Variants in GPATCH1 observed in about 807,000 individuals in gnomAD.
The protein encoded by GPATCH1 is G-patch domain containing 1.
In GPATCH1, 73 loss-of-function variants were observed where a neutral mutation model predicts 114.9. The observed-to-expected ratio is 0.64, with a 90% CI of 0.53 to 0.77. The LOEUF is 0.77. GPATCH1 is among the 30% of genes least tolerant of loss of function. The pLI, the probability that GPATCH1 is intolerant of heterozygous loss-of-function variation, is 0.00. For missense variants in GPATCH1, 1,058 were observed against 1,144.3 expected (o/e 0.92, Z 1.09); for synonymous variants, 391 against 428.4 (o/e 0.91, Z 1.08).
At chr19:33,095,257 GTTTTTTTT>G (rs940614947) in intron 5 of GPATCH1, among the ~76,000 whole-genome samples, 3 of 109,284 alleles carry the variant, frequency 2.7e-5, no homozygotes, top group East Asian at 3.2e-4. Flanking sequence ...TATCAGTGAG[GTTTTTTTT>G]TTTTTTTTTT....
chr19:33,096,926 G>T (rs1972666956), intron 7 of GPATCH1, among the ~76,000 whole-genome samples: 1 of 141,172 alleles, frequency 7.1e-6, no homozygotes, highest in Admixed American at 7.2e-5. Context: ...ACTGCGCCTG[G>T]CCACCTTTTC....
chr19:33,109,891 G>A lies in GPATCH1; in HGVS notation c.1460G>A (p.Trp487Ter). 1 of 1,614,164 alleles carries A rather than the reference G, an allele frequency of 6.2e-7. No homozygotes were observed. The highest frequency in any genetic ancestry group is 8.5e-7 in the Non-Finnish European group (1 of 1,180,028). The change falls in exon 11 of 20, where the codon TGG becomes TAG. Residue 487 changes from tryptophan (W) to a stop codon, truncating the protein, a stop_gained. Transcript: ENST00000170564. LOFTEE classifies it high-confidence loss of function. ...GCAGCGGCTGCTGGGCACTGCTCTT[G>A]GAACATGGCATTAGGTGGTGGGACG... ...SPAAAAGHCS[W>*]NMALGGGTAT...
chr19:33,103,235 T>C (rs1271451913), intron 9 of GPATCH1, among the ~76,000 whole-genome samples: 1 of 152,222 alleles, frequency 6.6e-6, no homozygotes, highest in Admixed American at 6.5e-5. Context: ...TGTGCTTGTC[T>C]GGGACACGGG....
At chr19:33,095,739 T>TG in intron 5 of GPATCH1, 23 bp from the exon 6 acceptor site, 1 of 1,567,470 alleles carries the variant, frequency 6.4e-7, no homozygotes, top group South Asian at 1.1e-5. Flanking sequence ...TCATGACTAT[T>TG]GCATTTGAAA....
rs59303077 is a variant in GPATCH1 at position 33,129,949 on chromosome 19, GA to G, written c.2766-167del. On this transcript the variant is annotated intron_variant, in intron 19 of 19. Coordinates refer to ENST00000170564, the MANE Select transcript of GPATCH1 (RefSeq NM_018025.3). ...ACAAAAGTGAGACTCCATCTCGGGG[GA>G]AAAAAAAAAAAAAGCACAGATTAGG... 3.2e-3 allele frequency among the ~76,000 whole-genome samples: 444 copies of G among 139,742 alleles called. 1 individual carries two copies. Among genetic ancestry groups the G allele is most frequent in the East Asian group, 0.021 (98 of 4,770 alleles). 91.7% of individuals were successfully genotyped at this position (139,742 alleles called of 152,430 possible). A position where few individuals can be genotyped will look rare whatever the true frequency, so the allele number is the denominator to read the frequency against.
At chr19:33,092,049 C>CTT (rs200494204) in intron 3 of GPATCH1, among the ~76,000 whole-genome samples, 5 of 145,450 alleles carry the variant, frequency 3.4e-5, no homozygotes, top group African/African-American at 7.5e-5. Context: ...CTTTTCTTTT[C>CTT]TTTTTTTTTT....
At chr19:33,102,335 CGAAAA>C (rs893436611) in intron 9 of GPATCH1, among the ~76,000 whole-genome samples, 47 of 150,504 alleles carry the variant, frequency 3.1e-4, no homozygotes, top group African/African-American at 1.1e-3. Context: ...AACTCCGTAT[CGAAAA>C]GAAAAGAAAA....
intron 15 of GPATCH1, 118 bp from the exon 16 acceptor site, chr19:33,117,707 G>C (rs1412588544): frequency 1.4e-5 from 10 of 710,564 alleles, no homozygotes; most frequent in Non-Finnish European, 2.2e-5. Flanking sequence ...TGTGGCTATG[G>C]ATACCCATGT....
intron 8 of GPATCH1, among the ~76,000 whole-genome samples, chr19:33,099,484 A>G (rs116042530): frequency 9.5e-4 from 144 of 151,112 alleles, no homozygotes; most frequent in African/African-American, 3.3e-3. Flanking sequence ...TCTCTCCCCC[A>G]GCTTCCTCTC....
intron 17 of GPATCH1, among the ~76,000 whole-genome samples, chr19:33,123,085 T>A (rs1973003480): frequency 7.1e-6 from 1 of 141,466 alleles, no homozygotes; most frequent in Admixed American, 7.0e-5. Context: ...AATAAATAAA[T>A]AAATAAATAA....
At chr19:33,113,456 C>A (rs1972880211) in intron 13 of GPATCH1, 2 of 218,326 alleles carry the variant, frequency 9.2e-6, no homozygotes, top group African/African-American at 2.3e-5. Context: ...GAAAAAAAAA[C>A]AAAACAAAAA....
chr19:33,102,193 G>GC (rs1251024470), intron 9 of GPATCH1, among the ~76,000 whole-genome samples: 37 of 151,598 alleles, frequency 2.4e-4, no homozygotes, highest in Non-Finnish European at 1.8e-4. Context: ...AATTAGCTAG[G>GC]TGTGGTGGTG....
chr19:33,112,574 T>C lies in GPATCH1; in HGVS notation c.1853T>C (p.Leu618Pro), dbSNP rs1412235926. The change falls in exon 13 of 20, where the codon CTT becomes CCT. Residue 618 changes from leucine (L) to proline (P), a missense_variant. By Grantham distance (98) the Leu-to-Pro change is moderately conservative. Coordinates refer to ENST00000170564, the MANE Select transcript of GPATCH1 (RefSeq NM_018025.3). Reference protein sequence around the residue: ...RDTFEWHPDKLLCKRFNVPDP... With the variant: ...RDTFEWHPDKPLCKRFNVPDP... The stretch of plus-strand genomic sequence containing the variant: ...ACGTTTGAGTGGCACCCTGACAAGC[T>C]TCTATGTAAGAGATTTAATGTCCCT... 4.3e-6 allele frequency: 7 copies of C among 1,613,838 alleles called. No individual in the cohort carries two copies. Among genetic ancestry groups the C allele is most frequent in the East Asian group, 2.2e-5 (1 of 44,894 alleles).
chr19:33,081,889 T>G (rs1972481552), intron 1 of GPATCH1, among the ~76,000 whole-genome samples: 1 of 147,990 alleles, frequency 6.8e-6, no homozygotes, highest in Admixed American at 7.3e-5. Flanking sequence ...TATATGATTT[T>G]TAGAGACAGG....
intron 1 of GPATCH1, among the ~76,000 whole-genome samples, chr19:33,085,593 AG>A (rs1297684453): frequency 1.3e-5 from 2 of 152,168 alleles, no homozygotes; most frequent in Non-Finnish European, 2.9e-5. Flanking sequence ...AGGAAGGAAC[AG>A]TATAGGAGGC....
rs1401975553 is a variant in GPATCH1 at position 33,112,489 on chromosome 19, G to T, written c.1768G>T (p.Asp590Tyr). ...CAGAATGCATGTCTTTTTCCAGAAT[G>T]ATGTCGGGGATAAGCAGTCGGCTGT... ...QVEVPRDQEN[D>Y]VGDKQSAVKM... is the part of the protein sequence containing the mutation. Residue 590 changes from aspartate (D) to tyrosine (Y), a missense_variant, in exon 13 of 20, where the codon GAT becomes TAT. Physicochemically the swap from Asp to Tyr is radical, Grantham distance 160 (BLOSUM62 -3). Around this residue, in one of 3 missense-constraint regions of GPATCH1, gnomAD observed 893 missense variants for 977.4 expected, o/e 0.91. Transcript: ENST00000170564. 1.9e-6 allele frequency: 3 copies of T among 1,613,992 alleles called. No homozygotes were observed. The Admixed American group carries it at 5.0e-5, about 27-fold the overall frequency.
chr19:33,112,634 C>A, intron 13 of GPATCH1, 21 bp downstream of exon 13: 1 of 1,600,954 alleles, frequency 6.2e-7, no homozygotes, highest in Non-Finnish European at 8.6e-7. Flanking sequence ...TAAACCTTTA[C>A]ATCAGTACAA....
rs76208520 is a variant in GPATCH1, at chr19:33,111,813, G to T, written c.1675G>T (p.Ala559Ser). The change falls in exon 12 of 20, where the codon GCA (alanine) becomes TCA (serine). Residue 559 changes from alanine (A) to serine (S), a missense_variant. Physicochemically the swap from Ala to Ser is moderately conservative, Grantham distance 99 (BLOSUM62 1). Around this residue, in one of 3 missense-constraint regions of GPATCH1, gnomAD observed 893 missense variants for 977.4 expected, o/e 0.91. Transcript: ENST00000170564. Reference protein sequence around the residue: ...DEFARAALLYASSHSTLSSRF... With the variant: ...DEFARAALLYSSSHSTLSSRF... ...GTTTGCCCGGGCGGCCCTGCTGTAC[G>T]CATCTTCCCATTCGACCTTGTCCTC... 2.5e-6 allele frequency: 4 copies of T among 1,613,866 alleles called. No homozygotes were observed. The African/African-American group carries it at 5.3e-5, about 22-fold the overall frequency.
intron 7 of GPATCH1, 68 bp from the exon 8 acceptor site, chr19:33,097,687 C>T: frequency 7.1e-7 from 1 of 1,413,540 alleles, no homozygotes; most frequent in Non-Finnish European, 9.9e-7. Context: ...CTTAAAGTAG[C>T]TTTATCCCTG....
Sources: gnomAD v4.1 joint callset for allele counts (sites outside exome capture counted in the v4.1 genomes callset) on GRCh38, gnomAD v4.1.1 for gene constraint, gnomAD v4.1.1 regional missense constraint, MANE v1.5 for transcripts, NCBI Gene and HGNC (gene_info 2026-07-23, HGNC 2026-07-21) for gene names.